PACS1: variants seen among roughly 807,000 people sequenced by gnomAD.
PACS1 encodes PACS-1.
PACS1 carries 24 observed loss-of-function variants against 115.0 expected under a neutral mutation model. The observed-to-expected ratio is 0.21, with a 90% confidence interval of 0.15 to 0.29. The LOEUF (loss-of-function observed/expected upper bound fraction) is 0.29. PACS1 is among the 10% of genes least tolerant of loss of function. The pLI is 1.00. For missense variants in PACS1, 838 were observed against 1,251.2 expected (o/e 0.67, Z 4.98); for synonymous variants, 453 against 504.5 (o/e 0.90, Z 1.37).
chr11:66,110,237 T>G (rs1177996060), intron 1 of PACS1, among the ~76,000 whole-genome samples: 1 of 152,190 alleles, frequency 6.6e-6, no homozygotes, highest in Non-Finnish European at 1.5e-5. Flanking sequence ...CATGCCTGAT[T>G]GCTTCATGAC....
chr11:66,091,500 G>GTT (rs201999955), intron 1 of PACS1, among the ~76,000 whole-genome samples: 1 of 146,910 alleles, frequency 6.8e-6, no homozygotes, highest in African/African-American at 2.5e-5. Flanking sequence ...TGTTGTTGTT[G>GTT]TTGTTTTTTT....
intron 19 of PACS1, 143 bp from the exon 20 acceptor site, chr11:66,238,661 C>CA: frequency 2.5e-6 from 2 of 789,008 alleles, no homozygotes; most frequent in Non-Finnish European, 4.2e-6. Flanking sequence ...CCACCACGCC[C>CA]AGCCCAGATT....
chr11:66,190,168 T>C (rs1443037323), intron 1 of PACS1, among the ~76,000 whole-genome samples: 1 of 152,252 alleles, frequency 6.6e-6, no homozygotes, highest in African/African-American at 2.4e-5. Context: ...TACTGAAGAC[T>C]ACCTGATCTA....
At chr11:66,153,768 G>A (rs182749106) in intron 1 of PACS1, among the ~76,000 whole-genome samples, 1 of 152,244 alleles carries the variant, frequency 6.6e-6, no homozygotes, top group Non-Finnish European at 1.5e-5. Context: ...GTGACAGAGC[G>A]AGACTGTCTC....
At chr11:66,078,969 G>T (rs143272083) in intron 1 of PACS1, among the ~76,000 whole-genome samples, 1 of 152,046 alleles carries the variant, frequency 6.6e-6, no homozygotes, top group Admixed American at 6.5e-5. Flanking sequence ...GTGCAGTGGC[G>T]CTATCTTGGC....
At chr11:66,211,637 G>A (rs139475368) in intron 4 of PACS1, among the ~76,000 whole-genome samples, 4 of 152,180 alleles carry the variant, frequency 2.6e-5, no homozygotes, top group South Asian at 2.1e-4. Flanking sequence ...TGAGCCATCC[G>A]AGAGTAAGTT....
intron 1 of PACS1, among the ~76,000 whole-genome samples, chr11:66,103,901 G>T (rs1227127102): frequency 6.6e-6 from 1 of 152,046 alleles, no homozygotes; most frequent in African/African-American, 2.4e-5. Flanking sequence ...CAGCTCAGGG[G>T]CAGTGCTGTT....
Position 66,070,778 on chromosome 11 carries a change from C to A in PACS1, c.292C>A (p.Pro98Thr). The stretch of plus-strand genomic sequence containing the variant: ...CCCGGGGCCAGGCCGCACCCCCGCC[C>A]CGGTGCAGATGAACCTGTACGCCAC... ...GGPGPGRTPA[P>T]VQMNLYATWE... The change falls in exon 1 of 24, where the codon CCG becomes ACG. Residue 98 changes from proline (P) to threonine (T), a missense_variant. Physicochemically the swap from Pro to Thr is conservative, Grantham distance 38. Coordinates refer to ENST00000320580, the MANE Select transcript of PACS1 (RefSeq NM_018026.4). The surrounding 1 kb of genome is among the most constrained non-coding windows in gnomAD (Gnocchi z 5.9). 6.5e-7 allele frequency: 1 copy of A among 1,530,910 alleles called. No individual in the cohort carries two copies. The highest frequency in any genetic ancestry group is 2.6e-5 in the East Asian group (1 of 37,870). 94.8% of individuals were successfully genotyped at this position (1,530,910 alleles called of 1,614,324 possible). A position where few individuals can be genotyped will look rare whatever the true frequency, so the allele number is the denominator to read the frequency against.
chr11:66,240,631 G>T (rs1372129092), intron 21 of PACS1, among the ~76,000 whole-genome samples: 2 of 152,012 alleles, frequency 1.3e-5, no homozygotes, highest in East Asian at 3.9e-4. Flanking sequence ...TACCCACGCA[G>T]CCAAGTTCTG....
intron 10 of PACS1, 100 bp from the exon 11 acceptor site, chr11:66,227,404 G>A (rs1590834129): frequency 5.7e-6 from 4 of 699,754 alleles, no homozygotes; most frequent in East Asian, 5.7e-5. Context: ...TGAGGTTTGA[G>A]ATTAAATGAA....
intron 1 of PACS1, among the ~76,000 whole-genome samples, chr11:66,161,278 A>T (rs1859483221): frequency 6.6e-6 from 1 of 152,062 alleles, no homozygotes; most frequent in African/African-American, 2.4e-5. Flanking sequence ...TGACTGGCAG[A>T]TGGCTGAAAG....
Position 66,070,454 on chromosome 11 carries a change from C to T in PACS1, c.-33C>T. On this transcript the variant is annotated 5_prime_UTR_variant, in exon 1 of 24. Coordinates refer to ENST00000320580, the MANE Select transcript of PACS1 (RefSeq NM_018026.4). The surrounding 1 kb of genome is among the most constrained non-coding windows in gnomAD (Gnocchi z 5.9). ...AAGCCTGGGAGCCAGATCGGCGTCGCCTCGGCCTCCGTAACCCCCGCCTAG... is the reference window on the plus strand; with the variant it reads ...AAGCCTGGGAGCCAGATCGGCGTCGTCTCGGCCTCCGTAACCCCCGCCTAG... 8.3e-7 allele frequency: 1 copy of T among 1,204,206 alleles called. No individual in the cohort carries two copies. Among genetic ancestry groups the T allele is most frequent in the Non-Finnish European group, 1.0e-6 (1 of 961,518 alleles). The allele number at this position is 1,204,206 out of a possible 1,614,324, so 74.6% of individuals were successfully genotyped here.
intron 1 of PACS1, among the ~76,000 whole-genome samples, chr11:66,149,960 G>T (rs1246450185): frequency 6.6e-6 from 1 of 151,958 alleles, no homozygotes; most frequent in African/African-American, 2.4e-5. Flanking sequence ...TGTTAGTCAG[G>T]CTGGTCTCGA....
intron 1 of PACS1, among the ~76,000 whole-genome samples, chr11:66,181,755 C>T (rs1392453719): frequency 3.3e-5 from 5 of 151,946 alleles, no homozygotes; most frequent in African/African-American, 1.2e-4. Flanking sequence ...TTTTTTTCCC[C>T]ACACACCCTG....
intron 11 of PACS1, among the ~76,000 whole-genome samples, chr11:66,227,944 A>G (rs1855500119): frequency 6.6e-6 from 1 of 152,130 alleles, no homozygotes; most frequent in Non-Finnish European, 1.5e-5. Context: ...AACCCACAAC[A>G]TTCAGTCTCT....
At chr11:66,201,042 C>G (rs533293608) in intron 2 of PACS1, among the ~76,000 whole-genome samples, 1 of 152,004 alleles carries the variant, frequency 6.6e-6, no homozygotes, top group African/African-American at 2.4e-5. Context: ...AAAATGGTGA[C>G]AGCCCGTCTG....
intron 22 of PACS1, among the ~76,000 whole-genome samples, chr11:66,242,173 G>T (rs919248277): frequency 6.6e-6 from 1 of 152,234 alleles, no homozygotes; most frequent in Non-Finnish European, 1.5e-5. Flanking sequence ...CCCGGCTCCT[G>T]TGCGTGGGAG....
intron 1 of PACS1, among the ~76,000 whole-genome samples, chr11:66,118,504 T>C (rs1233828803): frequency 6.6e-6 from 1 of 152,042 alleles, no homozygotes; most frequent in Non-Finnish European, 1.5e-5. Flanking sequence ...CCCAGCTCCT[T>C]GGGAGGCTGA....
intron 10 of PACS1, among the ~76,000 whole-genome samples, chr11:66,223,564 C>G (rs1357781336): frequency 6.6e-6 from 1 of 152,134 alleles, no homozygotes; most frequent in African/African-American, 2.4e-5. Flanking sequence ...TCCACATGGG[C>G]AAACCCTACT....
Sources: allele counts gnomAD v4.1 joint callset (sites outside exome capture counted in the v4.1 genomes callset), GRCh38; gene constraint gnomAD v4.1.1; non-coding constraint Gnocchi (gnomAD v3.1); transcripts MANE v1.5; gene names NCBI Gene and HGNC (gene_info 2026-07-23, HGNC 2026-07-21).